Variants in LDLRAD3 observed in about 807,000 individuals in gnomAD.
The protein encoded by LDLRAD3 is low-density lipoprotein receptor class A domain-containing protein 3.
LDLRAD3 carries 20 observed loss-of-function variants against 29.4 expected under a neutral mutation model. That is an observed-to-expected ratio of 0.68 (90% confidence interval 0.48 to 0.99). The LOEUF is 0.99. Ranked by LOEUF, LDLRAD3 falls within the 50% of genes least tolerant of loss-of-function variation. The probability of loss-of-function intolerance (pLI) is 0.00; values close to 1 mark genes in which losing one functional copy is unlikely to be tolerated. For synonymous variants in LDLRAD3, 157 were observed against 192.7 expected, an observed-to-expected ratio of 0.81 and a Z score of 1.53; for missense variants, 420 against 454.3, an observed-to-expected ratio of 0.92 and a Z score of 0.69.
chr11:36,134,842 G>C (rs2133309513), intron 4 of LDLRAD3, among the ~76,000 whole-genome samples: 1 of 152,304 alleles, frequency 6.6e-6, no homozygotes, highest in Admixed American at 6.5e-5. Context: ...GCAAGTTGGT[G>C]GTGGGTGCTG....
intron 4 of LDLRAD3, among the ~76,000 whole-genome samples, chr11:36,135,145 G>C (rs1853985388): frequency 6.6e-6 from 1 of 152,184 alleles, no homozygotes; most frequent in African/African-American, 2.4e-5. Flanking sequence ...TGGAGATGCA[G>C]CCTCTCAACT....
chr11:36,199,584 C>T (rs1489469196), intron 4 of LDLRAD3, among the ~76,000 whole-genome samples: 3 of 150,310 alleles, frequency 2.0e-5, no homozygotes, highest in Non-Finnish European at 3.0e-5. Context: ...CACACACACA[C>T]ACACGCACGC....
chr11:36,163,917 G>A (rs189263568), intron 4 of LDLRAD3, among the ~76,000 whole-genome samples: 22 of 152,298 alleles, frequency 1.4e-4, no homozygotes, highest in African/African-American at 3.8e-4. Context: ...TTTTGCTCCC[G>A]TTTTCATCTT....
chr11:36,090,907 C>G (rs190022275), intron 3 of LDLRAD3, among the ~76,000 whole-genome samples: 1 of 152,216 alleles, frequency 6.6e-6, no homozygotes, highest in Admixed American at 6.5e-5. Context: ...ACCTGTTGAG[C>G]AGACTTAGGA....
intron 1 of LDLRAD3, among the ~76,000 whole-genome samples, chr11:36,021,642 T>A (rs1852097254): frequency 6.6e-6 from 1 of 152,126 alleles, no homozygotes; most frequent in Non-Finnish European, 1.5e-5. Flanking sequence ...ACTGTAGGGT[T>A]TAAACCTTGT....
intron 4 of LDLRAD3, among the ~76,000 whole-genome samples, chr11:36,169,665 TA>T (rs1379733302): frequency 1.3e-5 from 2 of 152,218 alleles, no homozygotes; most frequent in Non-Finnish European, 2.9e-5. Context: ...AGTATTCCAT[TA>T]TGTATACATA....
chr11:36,005,530 G>A (rs1851873646), intron 1 of LDLRAD3, among the ~76,000 whole-genome samples: 2 of 152,180 alleles, frequency 1.3e-5, no homozygotes, highest in South Asian at 4.1e-4. Context: ...CAAGTCTCTA[G>A]GAAGTTCCAA....
intron 4 of LDLRAD3, among the ~76,000 whole-genome samples, chr11:36,147,095 T>G (rs1854206499): frequency 1.4e-5 from 1 of 73,736 alleles, no homozygotes; most frequent in Admixed American, 1.7e-4. Flanking sequence ...GCCCCCATAT[T>G]TACTTTTTTT....
At chr11:36,011,377 G>A (rs982507772) in intron 1 of LDLRAD3, among the ~76,000 whole-genome samples, 3 of 152,098 alleles carry the variant, frequency 2.0e-5, no homozygotes, top group African/African-American at 7.2e-5. Flanking sequence ...TAGGCAGCGG[G>A]TATCTATTAA....
chr11:36,029,797 A>T (rs1166723706), intron 1 of LDLRAD3, among the ~76,000 whole-genome samples: 1 of 152,134 alleles, frequency 6.6e-6, no homozygotes, highest in Non-Finnish European at 1.5e-5. Context: ...ATGCTGCTTT[A>T]CCCTTGTAGG....
chr11:36,194,645 G>T (rs1225046116), intron 4 of LDLRAD3, among the ~76,000 whole-genome samples: 1 of 152,174 alleles, frequency 6.6e-6, no homozygotes, highest in South Asian at 2.1e-4. Flanking sequence ...CAGAAACCCA[G>T]TGTGAATCCA....
intron 3 of LDLRAD3, among the ~76,000 whole-genome samples, chr11:36,084,852 A>G (rs1853172114): frequency 1.3e-5 from 2 of 152,258 alleles, no homozygotes; most frequent in South Asian, 4.1e-4. Context: ...AGTAGAATGT[A>G]TTAATAGAAA....
chr11:36,175,019 A>G (rs1260191839), intron 4 of LDLRAD3, among the ~76,000 whole-genome samples: 4 of 152,114 alleles, frequency 2.6e-5, no homozygotes, highest in African/African-American at 9.7e-5. Context: ...AATGGCGATC[A>G]TTAAAAAGTC....
At chr11:36,185,170 G>T (rs1342866078) in intron 4 of LDLRAD3, among the ~76,000 whole-genome samples, 1 of 152,090 alleles carries the variant, frequency 6.6e-6, no homozygotes, top group Non-Finnish European at 1.5e-5. Context: ...CCATGATGTT[G>T]GAGAGACAAA....
chr11:36,215,614 A>G (rs969466465), intron 4 of LDLRAD3, among the ~76,000 whole-genome samples: 1 of 152,140 alleles, frequency 6.6e-6, no homozygotes, highest in Non-Finnish European at 1.5e-5. Flanking sequence ...GAGAACAAGA[A>G]CCCAGTGTGT....
chr11:36,081,559 G>A (rs1043990825), intron 2 of LDLRAD3, 94 bp from the exon 3 acceptor site: 2 of 1,507,820 alleles, frequency 1.3e-6, no homozygotes, highest in African/African-American at 1.4e-5. Flanking sequence ...TGAATCTTAA[G>A]TGGACTCATT....
chr11:36,228,143 G>T (rs1448430949), intron 5 of LDLRAD3, among the ~76,000 whole-genome samples: 1 of 152,162 alleles, frequency 6.6e-6, no homozygotes, highest in Non-Finnish European at 1.5e-5. Context: ...GCTCTGCCGT[G>T]TATGGCATTA....
At chr11:36,190,684 G>A (rs1854927650) in intron 4 of LDLRAD3, among the ~76,000 whole-genome samples, 2 of 152,108 alleles carry the variant, frequency 1.3e-5, no homozygotes. Flanking sequence ...AATGCTCCCT[G>A]AACCAAAGAA....
intron 1 of LDLRAD3, among the ~76,000 whole-genome samples, chr11:36,018,581 C>T (rs1015223805): frequency 6.6e-6 from 1 of 152,150 alleles, no homozygotes; most frequent in Non-Finnish European, 1.5e-5. Context: ...TTTCTCCCTG[C>T]ATTTATATAT....
Sources: gnomAD v4.1 joint callset for allele counts (sites outside exome capture counted in the v4.1 genomes callset) on GRCh38, gnomAD v4.1.1 for gene constraint, MANE v1.5 for transcripts, NCBI Gene and HGNC (gene_info 2026-07-23, HGNC 2026-07-21) for gene names.